The following ECT2L variants were observed in gnomAD, a reference collection of about 807,000 sequenced individuals.
ECT2L encodes the protein epithelial cell-transforming sequence 2 oncogene-like.
A neutral mutation model predicts 122.8 loss-of-function variants in ECT2L; 126 were observed. The observed-to-expected ratio is 1.03, with a 90% CI of 0.89 to 1.19. The LOEUF (loss-of-function observed/expected upper bound fraction) is 1.19. Among genes scored for constraint, ECT2L ranks in the 50% most tolerant of loss-of-function variants. The pLI, the probability that ECT2L is intolerant of heterozygous loss-of-function variation, is 0.00. For missense variants in ECT2L, 1,012 were observed against 1,064.1 expected, an observed-to-expected ratio of 0.95 and a Z score of 0.68; for synonymous variants, 385 against 381.8, an observed-to-expected ratio of 1.01 and a Z score of -0.10.
intron 4 of ECT2L, among the ~76,000 whole-genome samples, chr6:138,835,134 T>A (rs901504546): frequency 1.4e-5 from 2 of 145,210 alleles, no homozygotes; most frequent in Admixed American, 7.1e-5. Flanking sequence ...AAAAAAAAAA[T>A]TTTAGCCACT....
rs202079003 is a variant in ECT2L, at chr6:138,868,160, C to T, written c.1532C>T (p.Ala511Val). 3.8e-4 allele frequency: 620 copies of T among 1,613,672 alleles called. 4 individuals carry two copies. Among genetic ancestry groups the T allele is most frequent in the South Asian group, 3.6e-3 (330 of 90,954 alleles). ...AACATTCTAAACAACCAAGATACTG[C>T]GCAAGCTCTGGCAGATGGATTGATG... ...MTNILNNQDT[A>V]QALADGLMEL... Residue 511 changes from alanine (A) to valine (V), a missense_variant, in exon 13 of 22, where the codon GCG becomes GTG. Physicochemically the swap from Ala to Val is moderately conservative, Grantham distance 64. Coordinates refer to ENST00000541398, the MANE Select transcript of ECT2L (RefSeq NM_001077706.3).
At position 138,888,987 on chromosome 6, in the gene ECT2L, A is replaced by G. The variant is rs1267098164; in HGVS notation, c.2370A>G (p.Val790=). Residue 790 remains valine, a synonymous_variant, in exon 20 of 22, where the codon GTA becomes GTG. Transcript: ENST00000541398. ...GATATCTGATTAGGGTACAAGATGT[A>G]GCCCAACTTCATTGCTGTGATGAAG... is the stretch of plus-strand genomic sequence containing the variant. ...VNRYLIRVQD[V]AQLHCCDEEI... 1 of 1,553,796 alleles carries G rather than the reference A, an allele frequency of 6.4e-7. No individual in the cohort carries two copies. The highest frequency in any genetic ancestry group is 1.2e-5 in the South Asian group (1 of 80,788).
intron 4 of ECT2L, among the ~76,000 whole-genome samples, chr6:138,837,673 C>T (rs1776888342): frequency 6.6e-6 from 1 of 151,178 alleles, no homozygotes; most frequent in African/African-American, 2.4e-5. Context: ...TTAAAAAAAC[C>T]CAAAAACGTC....
At chr6:138,808,958 C>T (rs1352685090) in intron 1 of ECT2L, among the ~76,000 whole-genome samples, 1 of 152,120 alleles carries the variant, frequency 6.6e-6, no homozygotes, top group East Asian at 1.9e-4. Flanking sequence ...AACTCCTGGC[C>T]TCAAGTGATC....
intron 7 of ECT2L, among the ~76,000 whole-genome samples, chr6:138,844,914 C>T (rs1777170313): frequency 6.6e-6 from 1 of 151,644 alleles, no homozygotes; most frequent in African/African-American, 2.4e-5. Flanking sequence ...AGGCATGTGC[C>T]ACTGAGCCCA....
intron 9 of ECT2L, 136 bp from the exon 10 acceptor site, chr6:138,853,890 C>G: frequency 1.1e-6 from 1 of 922,922 alleles, no homozygotes; most frequent in African/African-American, 1.6e-5. Flanking sequence ...CGGGAGGAAG[C>G]AGAGATGCCT....
At chr6:138,799,419 T>A (rs144968756) in intron 1 of ECT2L, among the ~76,000 whole-genome samples, 1,825 of 151,828 alleles carry the variant, frequency 0.012, 43 homozygotes, top group African/African-American at 0.041. Context: ...ACGCCCGGCT[T>A]ATTTTTTTTG....
At chr6:138,890,073 G>A (rs2128411065) in intron 20 of ECT2L, among the ~76,000 whole-genome samples, 1 of 152,238 alleles carries the variant, frequency 6.6e-6, no homozygotes, top group South Asian at 2.1e-4. Context: ...ACAGGTGTGG[G>A]CCATAGTGTG....
chr6:138,807,460 G>A (rs1261874658), intron 1 of ECT2L, among the ~76,000 whole-genome samples: 1 of 152,110 alleles, frequency 6.6e-6, no homozygotes, highest in Non-Finnish European at 1.5e-5. Flanking sequence ...AGGTAACAGT[G>A]TTACTAACTT....
rs373600243 is a variant in ECT2L at position 138,852,995 on chromosome 6, T to C, written c.1070-1031T>C. 1.6e-4 allele frequency among the ~76,000 whole-genome samples: 25 copies of C among 152,130 alleles called. 1 individual carries two copies. Among genetic ancestry groups the C allele is most frequent in the African/African-American group, 5.8e-4 (24 of 41,418 alleles). On this transcript the variant is annotated intron_variant, in intron 9 of 21. Coordinates refer to ENST00000541398, the MANE Select transcript of ECT2L (RefSeq NM_001077706.3). Reference sequence around the variant, plus strand: ...TTTTTTGTTTTTGTTTGAGATGGAGTCTCGCTCTGTCGCCCAGGCTGGAGT... The same window carrying C: ...TTTTTTGTTTTTGTTTGAGATGGAGCCTCGCTCTGTCGCCCAGGCTGGAGT...
At position 138,846,641 on chromosome 6, in the gene ECT2L, C is replaced by A. The variant is rs1777232116; in HGVS notation, c.867C>A (p.His289Gln). Reference protein sequence around the residue: ...DDRSSYALRPHFMLISSRIPA... With the variant: ...DDRSSYALRPQFMLISSRIPA... ...GATCTTCATATGCTCTCCGGCCACACTTCATGTTAATATCATCCCGGATTC... is the reference window on the plus strand; with the variant it reads ...GATCTTCATATGCTCTCCGGCCACAATTCATGTTAATATCATCCCGGATTC... Residue 289 changes from histidine to glutamine, a missense_variant, in exon 8 of 22, where the codon CAC (histidine) becomes CAA (glutamine). His to Gln is a conservative substitution (Grantham distance 24). Transcript: ENST00000541398. 6.2e-7 allele frequency: 1 copy of A among 1,609,336 alleles called. No homozygotes were observed. Among genetic ancestry groups the A allele is most frequent in the Non-Finnish European group, 8.5e-7 (1 of 1,178,098 alleles).
chr6:138,858,639 C>A (rs1427728662), intron 10 of ECT2L, among the ~76,000 whole-genome samples: 1 of 151,548 alleles, frequency 6.6e-6, no homozygotes, highest in African/African-American at 2.4e-5. Flanking sequence ...CACCCCCAAC[C>A]TGAGGCAGCC....
chr6:138,892,545 G>A (rs1325566318), intron 20 of ECT2L, among the ~76,000 whole-genome samples: 2 of 152,110 alleles, frequency 1.3e-5, no homozygotes, highest in Non-Finnish European at 2.9e-5. Context: ...CCAGGCTGGA[G>A]TGCAGTGGTG....
chr6:138,887,017 A>T, intron 19 of ECT2L, 95 bp downstream of exon 19: 5 of 977,764 alleles, frequency 5.1e-6, no homozygotes, highest in Non-Finnish European at 8.0e-6. Flanking sequence ...GGCAGCTAGT[A>T]TTTGTGGAAT....
chr6:138,874,485 T>C (rs1778372028), intron 13 of ECT2L, among the ~76,000 whole-genome samples: 1 of 152,204 alleles, frequency 6.6e-6, no homozygotes, highest in African/African-American at 2.4e-5. Context: ...ATCAATGTCC[T>C]ATCCACAAAG....
chr6:138,841,330 T>C (rs548515723), intron 5 of ECT2L, among the ~76,000 whole-genome samples: 2 of 152,332 alleles, frequency 1.3e-5, no homozygotes, highest in South Asian at 4.1e-4. Flanking sequence ...ATTAATGTGA[T>C]CCTTTGAGTC....
At chr6:138,818,916 A>C (rs959665893) in intron 4 of ECT2L, among the ~76,000 whole-genome samples, 1 of 152,082 alleles carries the variant, frequency 6.6e-6, no homozygotes, top group Non-Finnish European at 1.5e-5. Flanking sequence ...CTCTTTACTA[A>C]AGCAGAATTT....
At chr6:138,806,013 C>T (rs1187433291) in intron 1 of ECT2L, among the ~76,000 whole-genome samples, 1 of 152,180 alleles carries the variant, frequency 6.6e-6, no homozygotes, top group African/African-American at 2.4e-5. Flanking sequence ...TTGCAGCACA[C>T]AGAATACCTT....
At chr6:138,896,474 G>A (rs990420370) in intron 20 of ECT2L, among the ~76,000 whole-genome samples, 1 of 152,136 alleles carries the variant, frequency 6.6e-6, no homozygotes, top group African/African-American at 2.4e-5. Context: ...CTATGCAACA[G>A]AGAAAATGTA....
Sources: allele counts gnomAD v4.1 joint callset (sites outside exome capture counted in the v4.1 genomes callset), GRCh38; gene constraint gnomAD v4.1.1; transcripts MANE v1.5; gene names NCBI Gene and HGNC (gene_info 2026-07-23, HGNC 2026-07-21).